The following DNM3 variants were observed in gnomAD, a reference collection of about 807,000 sequenced individuals.
The protein encoded by DNM3 is dynamin 3, also known as dynamin-3.
A neutral mutation model predicts 101.6 loss-of-function variants in DNM3; 47 were observed. The observed-to-expected ratio is 0.46, with a 90% confidence interval of 0.37 to 0.59. The LOEUF (loss-of-function observed/expected upper bound fraction) is 0.59, where lower values mean the gene tolerates loss of function less well. DNM3 is among the 20% of genes least tolerant of loss of function. DNM3 has a pLI of 0.00. For synonymous variants in DNM3, 385 were observed against 387.9 expected, an observed-to-expected ratio of 0.99 and a Z score of 0.09; for missense variants, 849 against 1,085.7, an observed-to-expected ratio of 0.78 and a Z score of 3.06.
At position 172,071,086 on chromosome 1, in the gene DNM3, C is replaced by CATATATATATATATAT. The variant is rs56255511; in HGVS notation, c.1422+2200_1422+2215dup. The stretch of plus-strand genomic sequence containing the variant: ...GCCTGGGTGACAGAGCAAGACCCTG[C>CATATATATATATATAT]ATATATATATATATATATATATATA... On this transcript the variant is annotated intron_variant, in intron 11 of 20. Transcript: ENST00000627582. Among the ~76,000 whole-genome samples the CATATATATATATATAT allele has an allele frequency of 5.7e-3, 368 of 65,014 alleles. 8 individuals are homozygous for CATATATATATATATAT. Among genetic ancestry groups the CATATATATATATATAT allele is most frequent in the Middle Eastern group, 8.5e-3 (1 of 118 alleles). 42.7% of individuals were successfully genotyped at this position (65,014 alleles called of 152,430 possible).
intron 1 of DNM3, among the ~76,000 whole-genome samples, chr1:171,863,391 G>A (rs75848807): frequency 0.015 from 2,268 of 152,158 alleles, 57 homozygotes; most frequent in African/African-American, 0.052. Context: ...TCAGCTGATG[G>A]TAGGGTAGGA....
At chr1:172,306,104 AGAT>A (rs1317061102) in intron 15 of DNM3, among the ~76,000 whole-genome samples, 22 of 152,236 alleles carry the variant, frequency 1.4e-4, no homozygotes, top group African/African-American at 5.3e-4. Context: ...CCCTGTTTGT[AGAT>A]GACATGATTG....
At chr1:171,892,064 G>A (rs2037331829) in intron 1 of DNM3, among the ~76,000 whole-genome samples, 1 of 151,944 alleles carries the variant, frequency 6.6e-6, no homozygotes, top group Admixed American at 6.6e-5. Flanking sequence ...TATACTTTAG[G>A]TTATAATCCA....
chr1:171,876,671 T>G (rs1320410564), intron 1 of DNM3, among the ~76,000 whole-genome samples: 3 of 152,168 alleles, frequency 2.0e-5, no homozygotes. Context: ...CATCAAACCT[T>G]TGTTGAAAAA....
chr1:172,393,552 G>A (rs2149092660), intron 20 of DNM3: 1 of 152,748 alleles, frequency 6.5e-6, no homozygotes, highest in South Asian at 2.1e-4. Flanking sequence ...TGATTCCCCT[G>A]CAGTCATGTA....
At chr1:172,054,881 C>T (rs997938253) in intron 10 of DNM3, among the ~76,000 whole-genome samples, 1 of 152,094 alleles carries the variant, frequency 6.6e-6, no homozygotes, top group Admixed American at 6.5e-5. Flanking sequence ...ATTGCTGGAA[C>T]CTGGGAAGCG....
intron 1 of DNM3, among the ~76,000 whole-genome samples, chr1:171,860,219 TTAC>T (rs1334372848): frequency 6.6e-6 from 1 of 152,196 alleles, no homozygotes; most frequent in East Asian, 1.9e-4. Context: ...TTAATTTTAG[TTAC>T]TTTAAATCTA....
intron 2 of DNM3, among the ~76,000 whole-genome samples, chr1:171,944,213 T>G (rs1314231353): frequency 1.3e-5 from 2 of 152,126 alleles, no homozygotes; most frequent in African/African-American, 4.8e-5. Flanking sequence ...GAAACACTAT[T>G]CTTAAATTTT....
chr1:172,183,767 A>ATTTTTTTTTTTTTTTTTTTTTTTT (rs376245976), intron 14 of DNM3, among the ~76,000 whole-genome samples: 1 of 62,650 alleles, frequency 1.6e-5, no homozygotes, highest in Non-Finnish European at 3.0e-5. Context: ...TGCCCAGCTA[A>ATTTTTTTTTTTTTTTTTTTTTTTT]TTTTTTTTTT....
intron 15 of DNM3, among the ~76,000 whole-genome samples, chr1:172,286,471 T>C (rs2063707069): frequency 6.6e-6 from 1 of 152,242 alleles, no homozygotes; most frequent in African/African-American, 2.4e-5. Context: ...ATTTGCCTGG[T>C]ATTGGTTATG....
At chr1:172,112,598 C>T (rs1379584617) in intron 13 of DNM3, among the ~76,000 whole-genome samples, 3 of 152,140 alleles carry the variant, frequency 2.0e-5, no homozygotes, top group Admixed American at 2.0e-4. Flanking sequence ...TAACCAATTC[C>T]TGAATGTCAA....
At chr1:172,384,940 G>A (rs951093187) in intron 18 of DNM3, among the ~76,000 whole-genome samples, 1 of 152,186 alleles carries the variant, frequency 6.6e-6, no homozygotes, top group Non-Finnish European at 1.5e-5. Context: ...AGTACATTTA[G>A]AAGTGAATGC....
At chr1:172,099,447 G>A (rs886096248) in intron 13 of DNM3, among the ~76,000 whole-genome samples, 5 of 152,008 alleles carry the variant, frequency 3.3e-5, no homozygotes, top group African/African-American at 1.2e-4. Context: ...GGGCAAGGGA[G>A]GTTTTTAAGA....
chr1:172,262,746 GC>G (rs2148717821), intron 15 of DNM3, among the ~76,000 whole-genome samples: 1 of 152,242 alleles, frequency 6.6e-6, no homozygotes, highest in African/African-American at 2.4e-5. Context: ...CCATCTTGAA[GC>G]CCCCTCTTTG....
In DNM3 at chr1:172,407,896, T is replaced by C; in HGVS notation, c.*55T>C. The C allele has an allele frequency of 1.9e-6, 3 of 1,611,486 alleles. No homozygotes were observed. Among genetic ancestry groups the C allele is most frequent in the South Asian group, 1.1e-5 (1 of 90,974 alleles). On this transcript the variant is annotated 3_prime_UTR_variant, in exon 21 of 21. Transcript: ENST00000627582. ...TAATGAATTATGCGAAAGCAACATA[T>C]TTGATAACCGTTGCAGTAAATCATG...
chr1:171,873,781 G>A (rs1162827584), intron 1 of DNM3, among the ~76,000 whole-genome samples: 1 of 152,172 alleles, frequency 6.6e-6, no homozygotes, highest in African/African-American at 2.4e-5. Flanking sequence ...AGAAAATACT[G>A]TCCCTTTCTT....
chr1:172,239,064 T>C (rs1317394), intron 14 of DNM3, among the ~76,000 whole-genome samples: 25,096 of 152,208 alleles, frequency 0.16, 2,429 homozygotes, highest in East Asian at 0.24. Flanking sequence ...TCTCAGCCTG[T>C]AGTCACATCT....
chr1:172,375,207 C>T (rs978309615), intron 17 of DNM3, among the ~76,000 whole-genome samples: 8 of 152,016 alleles, frequency 5.3e-5, no homozygotes, highest in East Asian at 1.9e-4. Flanking sequence ...GCAGAGGAAT[C>T]GCTCTGAGTC....
At chr1:172,085,134 T>C (rs2053440866) in intron 12 of DNM3, among the ~76,000 whole-genome samples, 1 of 152,038 alleles carries the variant, frequency 6.6e-6, no homozygotes, top group Non-Finnish European at 1.5e-5. Flanking sequence ...TTTCCTGGCT[T>C]CTAAATGTTT....
Sources: gnomAD v4.1 joint callset for allele counts (sites outside exome capture counted in the v4.1 genomes callset) on GRCh38, gnomAD v4.1.1 for gene constraint, MANE v1.5 for transcripts, NCBI Gene and HGNC (gene_info 2026-07-23, HGNC 2026-07-21) for gene names.